Variants in SYNE2 observed in about 807,000 individuals in gnomAD.
SYNE2 encodes spectrin repeat containing nuclear envelope protein 2.
A neutral mutation model predicts 856.3 loss-of-function variants in SYNE2; 431 were observed. The ratio of observed to expected loss-of-function variants is 0.50; its 90% CI spans 0.47 to 0.55. The LOEUF is 0.55. SYNE2 is among the 20% of genes least tolerant of loss of function. The probability of loss-of-function intolerance (pLI) is 0.00; values close to 1 mark genes in which losing one functional copy is unlikely to be tolerated. For missense variants in SYNE2, 8,129 were observed against 8,023.2 expected (o/e 1.01, Z -0.50); for synonymous variants, 2,923 against 2,872.3 (o/e 1.02, Z -0.56).
upstream of SYNE2, among the ~76,000 whole-genome samples, chr14:63,848,518 C>G (rs1253392885): frequency 6.6e-6 from 1 of 152,124 alleles, no homozygotes; most frequent in Non-Finnish European, 1.5e-5. Context: ...TAATGCATCA[C>G]TTTGCATTTG....
intron 1 of SYNE2, among the ~76,000 whole-genome samples, chr14:63,866,633 A>G (rs781555215): frequency 5.3e-5 from 8 of 152,214 alleles, no homozygotes; most frequent in Non-Finnish European, 1.2e-4. Context: ...TCTAACATAC[A>G]TGATCAAAAT....
intron 1 of SYNE2, among the ~76,000 whole-genome samples, chr14:63,892,975 A>C (rs976301471): frequency 6.6e-6 from 1 of 152,156 alleles, no homozygotes; most frequent in Non-Finnish European, 1.5e-5. Flanking sequence ...GTCAGTCAAG[A>C]GTAAAAACAA....
intron 61 of SYNE2, among the ~76,000 whole-genome samples, chr14:64,096,615 GTTATT>G (rs2153634033): frequency 6.6e-6 from 1 of 152,308 alleles, no homozygotes; most frequent in East Asian, 1.9e-4. Context: ...TCAAACAGTT[GTTATT>G]TCCCAAAAGC....
At chr14:63,914,694 G>T (rs2095514046) in intron 2 of SYNE2, among the ~76,000 whole-genome samples, 1 of 152,182 alleles carries the variant, frequency 6.6e-6, no homozygotes, top group Non-Finnish European at 1.5e-5. Flanking sequence ...AGGTAGAAAG[G>T]CTCCAAGGTT....
At chr14:63,920,677 C>A (rs914759267) in intron 2 of SYNE2, among the ~76,000 whole-genome samples, 2 of 151,186 alleles carry the variant, frequency 1.3e-5, no homozygotes, top group African/African-American at 4.9e-5. Flanking sequence ...TTAGGGTGGT[C>A]CACCCGAGAA....
intron 1 of SYNE2, among the ~76,000 whole-genome samples, chr14:63,779,920 A>G (rs1334102883): frequency 6.6e-6 from 1 of 152,208 alleles, no homozygotes; most frequent in Non-Finnish European, 1.5e-5. Context: ...CAAAAAATAA[A>G]TAAACAATAA....
intron 83 of SYNE2, among the ~76,000 whole-genome samples, chr14:64,145,507 C>CA (rs58238268): frequency 0.12 from 11,599 of 93,250 alleles, 692 homozygotes; most frequent in East Asian, 0.31. Flanking sequence ...GACTCCGTCT[C>CA]AAAAAAAAAA....
intron 45 of SYNE2, among the ~76,000 whole-genome samples, chr14:64,040,322 G>A (rs373791451): frequency 1.3e-5 from 2 of 151,942 alleles, no homozygotes; most frequent in African/African-American, 2.4e-5. Context: ...TTACCATAAC[G>A]TGTTTAAAAT....
At chr14:63,969,842 A>G (rs970319333) in intron 11 of SYNE2, among the ~76,000 whole-genome samples, 1 of 152,122 alleles carries the variant, frequency 6.6e-6, no homozygotes, top group African/African-American at 2.4e-5. Context: ...TATTTTGCTG[A>G]GAGAGGAGTA....
intron 1 of SYNE2, among the ~76,000 whole-genome samples, chr14:63,771,219 A>G (rs901386518): frequency 1.3e-4 from 19 of 151,380 alleles, no homozygotes; most frequent in Middle Eastern, 3.2e-3. Context: ...ACAGGCGCCC[A>G]CCATCACGCC....
chr14:64,208,811 C>T lies in SYNE2; in HGVS notation c.18255C>T (p.Asn6085=). ...QHSAGVESVF[N]ICDVLLHDSD... The stretch of plus-strand genomic sequence containing the variant: ...GCGCAGGGGTGGAGTCCGTGTTTAA[C>T]ATCTGTGACGTCCTACTGCACGACT... Residue 6085 remains asparagine, a synonymous_variant, in exon 101 of 116, where the codon AAC becomes AAT. Transcript: ENST00000555002. The T allele has an allele frequency of 6.2e-7, 1 of 1,614,226 alleles. No individual in the cohort carries two copies.
intron 6 of SYNE2, among the ~76,000 whole-genome samples, chr14:63,947,571 C>T (rs2096056082): frequency 6.6e-6 from 1 of 152,100 alleles, no homozygotes; most frequent in Non-Finnish European, 1.5e-5. Flanking sequence ...CACAGTGGCT[C>T]ATGCCTGTAA....
At chr14:63,922,734 A>T (rs1317204101) in intron 2 of SYNE2, among the ~76,000 whole-genome samples, 2 of 152,164 alleles carry the variant, frequency 1.3e-5, no homozygotes, top group Non-Finnish European at 2.9e-5. Context: ...CTGTTGTTTC[A>T]AGAGTAAGTC....
rs1193218961 is a variant in SYNE2, at chr14:63,771,565, T to C, written c.-305+9579T>C. Among the ~76,000 whole-genome samples, 7 of 152,194 alleles carry C rather than the reference T, an allele frequency of 4.6e-5. 1 individual carries two copies. Among genetic ancestry groups the C allele is most frequent in the Admixed American group, 3.3e-4 (5 of 15,268 alleles). On this transcript the variant is annotated intron_variant, in intron 1 of 23. Transcript: ENST00000674003. The stretch of plus-strand genomic sequence containing the variant: ...CTAAAGTGTTCATAATAGCAAAACC[T>C]GGAAACGTCATAGAAGGATAAAACT...
In SYNE2 at chr14:64,074,696, G is replaced by C. The variant is rs545286601; in HGVS notation, c.10866+560G>C. On this transcript the variant is annotated intron_variant, in intron 53 of 115. Transcript: ENST00000555002. Reference sequence around the variant, plus strand: ...AGATCACTTGGGGTCAGGAGGTCAAGACCAGCCTGGCCAACATGGGGAAAC... The same window carrying C: ...AGATCACTTGGGGTCAGGAGGTCAACACCAGCCTGGCCAACATGGGGAAAC... Among the ~76,000 whole-genome samples, 233 of 152,284 alleles carry C rather than the reference G, an allele frequency of 1.5e-3. 1 individual carries two copies. Among genetic ancestry groups the C allele is most frequent in the African/African-American group, 5.0e-3 (208 of 41,556 alleles).
Position 64,158,556 on chromosome 14 carries a change from G to C in SYNE2, c.15793-69G>C, listed in dbSNP as rs2098304062. 27 of 1,536,386 alleles carry C rather than the reference G, an allele frequency of 1.8e-5. No individual in the cohort carries two copies. The East Asian group carries it at 6.1e-4, about 35-fold the overall frequency. On this transcript the variant is annotated intron_variant, in intron 85 of 115. Coordinates refer to ENST00000555002, the MANE Select transcript of SYNE2 (RefSeq NM_182914.3). The stretch of plus-strand genomic sequence containing the variant: ...TTGAAATGCCTAAATTGGACACAAT[G>C]GTAGATCTGTTGGAGAGCATGTCTT...
intron 52 of SYNE2, 71 bp downstream of exon 52, chr14:64,070,981 G>C: frequency 6.5e-7 from 1 of 1,529,794 alleles, no homozygotes; most frequent in Non-Finnish European, 9.0e-7. Context: ...AAATCTAAAA[G>C]TATAGAATAA....
At chr14:63,853,235 G>A (rs1212980997) in intron 1 of SYNE2, 92 bp downstream of exon 1, 1 of 151,356 alleles carries the variant, frequency 6.6e-6, no homozygotes, top group Non-Finnish European at 1.5e-5. Context: ...AGAGGGAAAG[G>A]TCTCTGAGCC....
chr14:64,210,700 G>T (rs548122362), intron 103 of SYNE2, among the ~76,000 whole-genome samples: 1 of 152,344 alleles, frequency 6.6e-6, no homozygotes, highest in South Asian at 2.1e-4. Flanking sequence ...TGTGAATCCA[G>T]TTATAAACTG....
Sources: gnomAD v4.1 joint callset for allele counts (sites outside exome capture counted in the v4.1 genomes callset) on GRCh38, gnomAD v4.1.1 for gene constraint, MANE v1.5 for transcripts, NCBI Gene and HGNC (gene_info 2026-07-23, HGNC 2026-07-21) for gene names.